KCNMA1: variants seen among roughly 807,000 people sequenced by gnomAD.
KCNMA1 encodes Calcium-activated potassium channel subunit alpha-1.
In KCNMA1, 29 loss-of-function variants were observed where a neutral mutation model predicts 140.0. The observed-to-expected ratio is 0.21, with a 90% CI of 0.15 to 0.28. The LOEUF (loss-of-function observed/expected upper bound fraction) is 0.28, where lower values mean the gene tolerates loss of function less well. Among genes scored for constraint, KCNMA1 ranks in the 10% least tolerant of loss-of-function variants. KCNMA1 has a pLI of 1.00. For synonymous variants in KCNMA1, 612 were observed against 611.9 expected (o/e 1.00, Z 0.00); for missense variants, 880 against 1,602.2 (o/e 0.55, Z 7.70).
At chr10:77,225,536 C>T (rs1292247443) in intron 3 of KCNMA1, among the ~76,000 whole-genome samples, 1 of 152,194 alleles carries the variant, frequency 6.6e-6, no homozygotes, top group African/African-American at 2.4e-5. Context: ...AATTCTCCCA[C>T]CTGAGAGCCT....
intron 2 of KCNMA1, among the ~76,000 whole-genome samples, chr10:77,403,085 G>T (rs548334457): frequency 7.9e-4 from 121 of 152,212 alleles, no homozygotes; most frequent in Non-Finnish European, 1.1e-3. Context: ...CTCAGTCTCA[G>T]GCAAACTGGG....
At chr10:77,026,190 C>A (rs1176735154) in intron 16 of KCNMA1, among the ~76,000 whole-genome samples, 1 of 152,064 alleles carries the variant, frequency 6.6e-6, no homozygotes, top group Non-Finnish European at 1.5e-5. Context: ...CGCTCTTTTT[C>A]TCTCCTTGGA....
chr10:77,077,786 G>A (rs2096443516), intron 13 of KCNMA1: 1 of 152,190 alleles, frequency 6.6e-6, no homozygotes, highest in Admixed American at 6.5e-5. Context: ...CCACCTACAA[G>A]GGCTGCCATC....
intron 18 of KCNMA1, among the ~76,000 whole-genome samples, chr10:77,005,917 C>T (rs1174672814): frequency 6.6e-6 from 1 of 152,210 alleles, no homozygotes; most frequent in South Asian, 2.1e-4. Context: ...CCTCTATTCT[C>T]AAAGGCCATG....
Position 77,572,213 on chromosome 10 carries a change from G to A in KCNMA1, c.378+65052C>T, listed in dbSNP as rs570793286. Among the ~76,000 whole-genome samples, 22 of 152,062 alleles carry A rather than the reference G, an allele frequency of 1.4e-4. No homozygotes were observed. The South Asian group carries it at 4.6e-3, about 32-fold the overall frequency. ...ATTTTACCCTATACACACATGATGT[G>A]GGCCAAAAGTTGAAAATGAGTGTAG... On this transcript the variant is annotated intron_variant, in intron 1 of 27. Coordinates refer to ENST00000286628, the MANE Select transcript of KCNMA1 (RefSeq NM_001161352.2).
At chr10:77,180,651 G>A (rs2098795766) in intron 5 of KCNMA1, among the ~76,000 whole-genome samples, 1 of 152,134 alleles carries the variant, frequency 6.6e-6, no homozygotes, top group Non-Finnish European at 1.5e-5. Context: ...TGCAGTATAG[G>A]AGGGTAGGGG....
At chr10:77,410,389 G>T (rs1020279590) in intron 1 of KCNMA1, among the ~76,000 whole-genome samples, 4 of 152,162 alleles carry the variant, frequency 2.6e-5, no homozygotes, top group Non-Finnish European at 5.9e-5. Flanking sequence ...TGAGAAGCTG[G>T]CTGGGCCCGC....
At chr10:77,370,512 C>A (rs906390988) in intron 2 of KCNMA1, among the ~76,000 whole-genome samples, 1 of 152,190 alleles carries the variant, frequency 6.6e-6, no homozygotes, top group Admixed American at 6.5e-5. Flanking sequence ...CCTCTCCAAT[C>A]TCTAGCTCTT....
chr10:77,040,013 G>C (rs1272331276), intron 14 of KCNMA1, among the ~76,000 whole-genome samples: 2 of 147,982 alleles, frequency 1.4e-5, no homozygotes, highest in African/African-American at 5.0e-5. Flanking sequence ...CTCTGGAGTA[G>C]CTGGGACTAT....
intron 1 of KCNMA1, among the ~76,000 whole-genome samples, chr10:77,527,458 G>A (rs2056184523): frequency 6.6e-6 from 1 of 152,186 alleles, no homozygotes; most frequent in Non-Finnish European, 1.5e-5. Flanking sequence ...GGGGAGAGGG[G>A]AAGAAGGCAC....
At chr10:77,433,245 CG>C (rs2097188693) in intron 1 of KCNMA1, among the ~76,000 whole-genome samples, 1 of 152,114 alleles carries the variant, frequency 6.6e-6, no homozygotes, top group African/African-American at 2.4e-5. Flanking sequence ...ATCCACCTCC[CG>C]GGTTCAAGCA....
chr10:76,937,489 T>G (rs142484480), intron 23 of KCNMA1, among the ~76,000 whole-genome samples: 4 of 152,362 alleles, frequency 2.6e-5, no homozygotes, highest in African/African-American at 9.6e-5. Context: ...AGCCTGTCTT[T>G]ACTGATCATT....
chr10:77,278,744 T>G (rs2067454032), intron 2 of KCNMA1, among the ~76,000 whole-genome samples: 1 of 152,152 alleles, frequency 6.6e-6, no homozygotes, highest in South Asian at 2.1e-4. Context: ...GAATATAACC[T>G]CCACCCAAGG....
chr10:77,547,398 C>T (rs1444484721), intron 1 of KCNMA1, among the ~76,000 whole-genome samples: 1 of 152,198 alleles, frequency 6.6e-6, no homozygotes, highest in Non-Finnish European at 1.5e-5. Context: ...AAATATCACA[C>T]CCTAGTTCAG....
intron 1 of KCNMA1, among the ~76,000 whole-genome samples, chr10:77,576,397 C>G (rs1019027725): frequency 6.6e-6 from 1 of 152,198 alleles, no homozygotes; most frequent in Non-Finnish European, 1.5e-5. Context: ...CTCTTTCTCC[C>G]TACGAAACAA....
intron 5 of KCNMA1, among the ~76,000 whole-genome samples, chr10:77,138,619 C>T (rs536370897): frequency 6.6e-6 from 1 of 152,250 alleles, no homozygotes; most frequent in African/African-American, 2.4e-5. Context: ...TTTCAAATAT[C>T]CATCAGATTA....
chr10:77,013,056 C>T (rs969337597), intron 17 of KCNMA1, among the ~76,000 whole-genome samples: 1 of 152,206 alleles, frequency 6.6e-6, no homozygotes, highest in African/African-American at 2.4e-5. Flanking sequence ...CCACTCCCAA[C>T]AGGAAACTGA....
chr10:77,402,182 T>A (rs1018317937), intron 2 of KCNMA1, among the ~76,000 whole-genome samples: 1 of 152,110 alleles, frequency 6.6e-6, no homozygotes, highest in African/African-American at 2.4e-5. Flanking sequence ...GAATTCAACC[T>A]CTCTTAAGTT....
At chr10:76,984,958 C>CCTA (rs1399801976) in intron 19 of KCNMA1, among the ~76,000 whole-genome samples, 5 of 152,150 alleles carry the variant, frequency 3.3e-5, no homozygotes, top group Admixed American at 6.5e-5. Context: ...GAGGAGAGTA[C>CCTA]CTAGAATCCA....
Sources: allele counts gnomAD v4.1 joint callset (sites outside exome capture counted in the v4.1 genomes callset), GRCh38; gene constraint gnomAD v4.1.1; transcripts MANE v1.5; gene names NCBI Gene and HGNC (gene_info 2026-07-23, HGNC 2026-07-21).